The following CENPP variants were observed in gnomAD, a reference collection of about 807,000 sequenced individuals.
CENPP encodes centromere protein P.
In CENPP, 24 loss-of-function variants were observed where a neutral mutation model predicts 35.6. The observed-to-expected ratio is 0.67, with a 90% CI of 0.49 to 0.95. The LOEUF is 0.95. Among genes scored for constraint, CENPP ranks in the 40% least tolerant of loss-of-function variants. CENPP has a pLI of 0.00. For synonymous variants in CENPP, 120 were observed against 125.5 expected (o/e 0.96, Z 0.29); for missense variants, 332 against 345.3 (o/e 0.96, Z 0.31).
chr9:92,345,771 A>G lies in CENPP; in HGVS notation c.451A>G (p.Ser151Gly), dbSNP rs1238148774. The change falls in exon 4 of 8, where the codon AGT (serine) becomes GGT (glycine). Residue 151 changes from serine to glycine, a missense_variant. By Grantham distance (56) the Ser-to-Gly change is moderately conservative. Coordinates refer to ENST00000375587, the MANE Select transcript of CENPP (RefSeq NM_001012267.3). ...GGAGCCCACAGAATGCTCAGAATTA[A>G]GTGAATTTGTGTCTAGGTAAGCTAT... ...IMEPTECSEL[S>G]EFVSRAEERK... 6.3e-7 allele frequency: 1 copy of G among 1,599,558 alleles called. No homozygotes were observed. Among genetic ancestry groups the G allele is most frequent in the Non-Finnish European group, 8.6e-7 (1 of 1,168,102 alleles).
chr9:92,430,154 A>G (rs1306861244), intron 5 of CENPP, among the ~76,000 whole-genome samples: 1 of 152,130 alleles, frequency 6.6e-6, no homozygotes, highest in Non-Finnish European at 1.5e-5. Flanking sequence ...ATGGTATCTT[A>G]TAGTTGAGTT....
intron 5 of CENPP, among the ~76,000 whole-genome samples, chr9:92,567,373 G>T (rs7046098): frequency 0.41 from 53,140 of 128,646 alleles, 13,335 homozygotes; most frequent in African/African-American, 0.69. Flanking sequence ...ACATAAGATA[G>T]ATATATATAT....
Position 92,332,189 on chromosome 9 carries a change from C to T in CENPP, c.127C>T (p.His43Tyr), listed in dbSNP as rs1015740720. Residue 43 changes from histidine to tyrosine, a missense_variant, in exon 2 of 8, where the codon CAC (histidine) becomes TAC (tyrosine). By Grantham distance (83) the His-to-Tyr change is moderately conservative. Transcript: ENST00000375587. ...TTTTAGAAAATCTTTTCAAGCCATA[C>T]ACCAATTCAATTTGGAAGGATGGAA... Reference protein sequence around the residue: ...SRVQKSFQAIHQFNLEGWKSS... With the variant: ...SRVQKSFQAIYQFNLEGWKSS... 12 of 1,604,462 alleles carry T rather than the reference C, an allele frequency of 7.5e-6. No homozygotes were observed. The highest frequency in any genetic ancestry group is 7.6e-6 in the Non-Finnish European group (9 of 1,176,860).
chr9:92,330,910 G>A (rs992290292), intron 1 of CENPP, among the ~76,000 whole-genome samples: 6 of 152,044 alleles, frequency 3.9e-5, no homozygotes, highest in East Asian at 3.9e-4. Flanking sequence ...GGCTGGTCTC[G>A]AACTCCTGAC....
intron 5 of CENPP, chr9:92,384,801 G>A (rs1442553977): frequency 6.6e-6 from 1 of 152,056 alleles, no homozygotes; most frequent in African/African-American, 2.4e-5. Flanking sequence ...ATATTTTGCA[G>A]TTATCTCGTA....
At chr9:92,547,852 T>G (rs924298816) in intron 5 of CENPP, among the ~76,000 whole-genome samples, 1 of 152,228 alleles carries the variant, frequency 6.6e-6, no homozygotes, top group Admixed American at 6.5e-5. Context: ...GGTGAAATAC[T>G]GACAGTTTTC....
chr9:92,471,668 T>C (rs1341610233), intron 5 of CENPP, among the ~76,000 whole-genome samples: 3 of 150,984 alleles, frequency 2.0e-5, no homozygotes, highest in African/African-American at 4.9e-5. Context: ...ATTATTCTTT[T>C]TTTTTTTTTT....
intron 5 of CENPP, among the ~76,000 whole-genome samples, chr9:92,522,064 G>T (rs1452337376): frequency 6.6e-6 from 1 of 151,656 alleles, no homozygotes; most frequent in Non-Finnish European, 1.5e-5. Flanking sequence ...GTTTTTTGGG[G>T]GTTGTTTTGT....
intron 5 of CENPP, among the ~76,000 whole-genome samples, chr9:92,390,563 A>AGT (rs61628295): frequency 0.19 from 28,120 of 150,432 alleles, 2,763 homozygotes; most frequent in Middle Eastern, 0.37. Context: ...AGAGAAATTC[A>AGT]GTGTGTGTGT....
intron 5 of CENPP, among the ~76,000 whole-genome samples, chr9:92,606,565 C>A (rs1043304661): frequency 6.6e-6 from 1 of 152,172 alleles, no homozygotes; most frequent in Non-Finnish European, 1.5e-5. Flanking sequence ...ATGTGCAAAA[C>A]TTATACACAA....
rs1851324648 is a variant in CENPP at position 92,613,196 on chromosome 9, A to G, written c.*47A>G. 1 of 1,611,180 alleles carries G rather than the reference A, an allele frequency of 6.2e-7. No individual in the cohort carries two copies. Among genetic ancestry groups the G allele is most frequent in the Non-Finnish European group, 8.5e-7 (1 of 1,177,584 alleles). ...GGATGAAGATGCTGCGTGGAGGAAC[A>G]TGCAATTTTATTCAATATAAACATT... is the stretch of plus-strand genomic sequence containing the variant. On this transcript the variant is annotated 3_prime_UTR_variant, in exon 8 of 8. Transcript: ENST00000375587.
At chr9:92,551,443 TC>T (rs562099756) in intron 5 of CENPP, among the ~76,000 whole-genome samples, 117 of 152,216 alleles carry the variant, frequency 7.7e-4, no homozygotes, top group African/African-American at 2.8e-3. Flanking sequence ...GCTCAAACAA[TC>T]CTCCCACCTT....
chr9:92,459,814 G>A, intron 5 of CENPP: 2 of 1,591,400 alleles, frequency 1.3e-6, no homozygotes, highest in Non-Finnish European at 1.7e-6. Context: ...CAGATGGTTA[G>A]GTGTGATAGA....
In CENPP at chr9:92,614,740, T is replaced by C. The variant is rs1851379099; in HGVS notation, c.*1591T>C. On this transcript the variant is annotated 3_prime_UTR_variant, in exon 8 of 8. Transcript: ENST00000375587. ...CAAAACGATGATATAAATAAGTCTG[T>C]ACAACCTAGCATAGAATAAAAAACT... 6.6e-6 allele frequency: 1 copy of C among 152,638 alleles called. No homozygotes were observed. The allele number at this position is 152,638 out of a possible 1,614,324, so 9.5% of individuals were successfully genotyped here.
chr9:92,340,811 A>G (rs1841090977), intron 3 of CENPP, among the ~76,000 whole-genome samples: 1 of 152,172 alleles, frequency 6.6e-6, no homozygotes, highest in African/African-American at 2.4e-5. Context: ...CATTAACTGC[A>G]CAAATTGTAC....
intron 5 of CENPP, among the ~76,000 whole-genome samples, chr9:92,400,224 C>T (rs1377866698): frequency 6.6e-6 from 1 of 152,170 alleles, no homozygotes; most frequent in African/African-American, 2.4e-5. Flanking sequence ...GACCTCGGCT[C>T]ACCGCAACCT....
upstream of CENPP, chr9:92,325,605 G>A (rs770236182): frequency 5.1e-6 from 1 of 196,912 alleles, no homozygotes; most frequent in Non-Finnish European, 1.1e-5. Flanking sequence ...AGAGGAAGTA[G>A]GTGAAAAAAA....
At chr9:92,411,469 A>G (rs1249750933) in intron 5 of CENPP, among the ~76,000 whole-genome samples, 1 of 150,800 alleles carries the variant, frequency 6.6e-6, no homozygotes, top group Non-Finnish European at 1.5e-5. Context: ...TACTTTTTCT[A>G]TTTTTAGTGG....
At position 92,613,188 on chromosome 9, in the gene CENPP, G is replaced by A. The variant is rs1383174883; in HGVS notation, c.*39G>A. The A allele has an allele frequency of 2.5e-6, 4 of 1,612,326 alleles. No individual in the cohort carries two copies. The Admixed American group carries it at 6.7e-5, about 27-fold the overall frequency. On this transcript the variant is annotated 3_prime_UTR_variant, in exon 8 of 8. Transcript: ENST00000375587. ...AACGTGGAGGATGAAGATGCTGCGT[G>A]GAGGAACATGCAATTTTATTCAATA...
Sources: allele counts gnomAD v4.1 joint callset (sites outside exome capture counted in the v4.1 genomes callset), GRCh38; gene constraint gnomAD v4.1.1; transcripts MANE v1.5; gene names NCBI Gene and HGNC (gene_info 2026-07-23, HGNC 2026-07-21).